Variants in TDRKH observed in about 807,000 individuals in gnomAD.
TDRKH encodes tudor and KH domain-containing protein.
A neutral mutation model predicts 61.3 loss-of-function variants in TDRKH; 28 were observed. The ratio of observed to expected loss-of-function variants is 0.46; its 90% CI spans 0.34 to 0.63. TDRKH has a LOEUF of 0.63. Ranked by LOEUF, TDRKH falls within the 20% of genes least tolerant of loss-of-function variation. TDRKH has a pLI of 0.01. For missense variants in TDRKH, 540 were observed against 683.4 expected, an observed-to-expected ratio of 0.79 and a Z score of 2.34; for synonymous variants, 219 against 244.4, an observed-to-expected ratio of 0.90 and a Z score of 0.97.
chr1:151,767,099 GGTACTGT>G, downstream of TDRKH: 1 of 1,588,852 alleles, frequency 6.3e-7, no homozygotes, highest in African/African-American at 1.3e-5. Context: ...GCCAGAGCCT[GGTACTGT>G]GTATCTTCCC....
chr1:151,776,565 C>T lies in TDRKH; in HGVS notation c.918G>A (p.Glu306=). 1.9e-6 allele frequency: 3 copies of T among 1,614,094 alleles called. No individual in the cohort carries two copies. Among genetic ancestry groups the T allele is most frequent in the Non-Finnish European group, 2.5e-6 (3 of 1,180,016 alleles). ...PSPDFSFHAD[E]YLEVYVSASE... is the part of the protein sequence containing the mutation. ...AAGCAGAAACGTAGACTTCTAGGTA[C>T]TCATCAGCATGAAAACTGAAGTCAG... Residue 306 remains glutamate, a synonymous_variant, in exon 7 of 13, where the codon GAG becomes GAA. Transcript: ENST00000368824.
Position 151,775,631 on chromosome 1 carries a change from G to A in TDRKH, c.1283-88C>T, listed in dbSNP as rs1323458908. 21 of 1,532,854 alleles carry A rather than the reference G, an allele frequency of 1.4e-5. No homozygotes were observed. In the East Asian group the frequency reaches 4.7e-4, roughly 35 times the overall value. 95.0% of individuals were successfully genotyped at this position (1,532,854 alleles called of 1,614,324 possible). A position where few individuals can be genotyped will look rare whatever the true frequency, so the allele number is the denominator to read the frequency against. On this transcript the variant is annotated intron_variant, in intron 9 of 12. Transcript: ENST00000368824. The stretch of plus-strand genomic sequence containing the variant: ...GGAACTACCCTTTTCTACTCAGGAA[G>A]GCACCTGTGTCTTCTCTGGTTGGGT...
At chr1:151,769,972 T>G (rs1318328717), downstream of TDRKH, 1 of 767,516 alleles carries the variant, frequency 1.3e-6, no homozygotes, top group African/African-American at 1.8e-5. Context: ...CTCAGCAGGC[T>G]GAGGCAGGAG....
downstream of TDRKH, chr1:151,767,543 C>A: frequency 1.5e-6 from 1 of 680,054 alleles, no homozygotes; most frequent in Non-Finnish European, 2.2e-6. Context: ...GTAAAACAAA[C>A]TCTGTAGGAC....
downstream of TDRKH, chr1:151,768,318 C>T (rs759658192): frequency 2.6e-6 from 4 of 1,518,208 alleles, no homozygotes; most frequent in Non-Finnish European, 3.5e-6. Context: ...AAGGCTAATT[C>T]TGGAGCTAGA....
downstream of TDRKH, chr1:151,770,930 C>T: frequency 8.8e-7 from 1 of 1,137,310 alleles, no homozygotes; most frequent in Non-Finnish European, 1.2e-6. Context: ...AGAGTTAGAG[C>T]CTAGGTCTGT....
chr1:151,766,730 T>G, downstream of TDRKH: 1 of 1,552,404 alleles, frequency 6.4e-7, no homozygotes, highest in Non-Finnish European at 8.7e-7. Context: ...AACTGCCTTG[T>G]AAGAGGTGTC....
At chr1:151,769,823 G>T (rs540235230), downstream of TDRKH, among the ~76,000 whole-genome samples, 5 of 152,244 alleles carry the variant, frequency 3.3e-5, no homozygotes, top group African/African-American at 7.2e-5. Context: ...CTGCAATCCC[G>T]GCACCTCAGG....
At chr1:151,786,847 C>A (rs758015660) in intron 1 of TDRKH, among the ~76,000 whole-genome samples, 2 of 152,158 alleles carry the variant, frequency 1.3e-5, no homozygotes, top group Admixed American at 6.5e-5. Context: ...TTCAGTATAT[C>A]ATTTTTAGAG....
Position 151,776,431 on chromosome 1 carries a change from C to A in TDRKH, c.1044+8G>T. ...TTAAACCCCAGCCCTGTCCCTATGG[C>A]AACTCACCACACTATTCTCATAGTG... is the stretch of plus-strand genomic sequence containing the variant. On this transcript the variant is annotated splice_region_variant and intron_variant, in intron 7 of 12. Coordinates refer to ENST00000368824, the MANE Select transcript of TDRKH (RefSeq NM_001083965.2). 6.2e-7 allele frequency: 1 copy of A among 1,614,000 alleles called. No homozygotes were observed. The highest frequency in any genetic ancestry group is 1.1e-5 in the South Asian group (1 of 91,076).
intron 8 of TDRKH, 106 bp from the exon 9 acceptor site, chr1:151,775,990 C>A: frequency 6.4e-7 from 1 of 1,568,634 alleles, no homozygotes; most frequent in East Asian, 2.3e-5. Context: ...CATCTGCTCT[C>A]TGTAAACAGG....
At position 151,776,369 on chromosome 1, in the gene TDRKH, A is replaced by T. The variant is rs887943209; in HGVS notation, c.1044+70T>A. 5 of 1,600,088 alleles carry T rather than the reference A, an allele frequency of 3.1e-6. No homozygotes were observed. In the African/African-American group the frequency reaches 6.7e-5, roughly 21 times the overall value. On this transcript the variant is annotated intron_variant, in intron 7 of 12. Coordinates refer to ENST00000368824, the MANE Select transcript of TDRKH (RefSeq NM_001083965.2). ...AGAAAAGTAGTTGCTCCACAGGGAA[A>T]GGAAGAGTACAATGAAAAAGATATG...
downstream of TDRKH, chr1:151,768,154 C>G: frequency 6.2e-7 from 1 of 1,614,024 alleles, no homozygotes; most frequent in Non-Finnish European, 8.5e-7. Flanking sequence ...GACCTCTGCC[C>G]ATTGGCACGG....
In TDRKH at chr1:151,778,709, T is replaced by C. The variant is rs1558142683; in HGVS notation, c.859A>G (p.Ile287Val). The C allele has an allele frequency of 3.1e-6, 5 of 1,613,584 alleles. No individual in the cohort carries two copies. The highest frequency in any genetic ancestry group is 4.2e-6 in the Non-Finnish European group (5 of 1,179,824). Residue 287 changes from isoleucine to valine, a missense_variant, in exon 6 of 13, where the codon ATC becomes GTC. By Grantham distance (29) the Ile-to-Val change is conservative. This residue lies in a region of TDRKH where 379 missense variants were observed against 443.8 expected (regional missense o/e 0.85). Transcript: ENST00000368824. Reference protein sequence around the residue: ...DSFQKSEAQAIPEMPMFEIPS... With the variant: ...DSFQKSEAQAVPEMPMFEIPS... ...CTTTCAAACATGGGCATCTCTGGGA[T>C]GGCCTGGGCTTCAGACTTCTGAAAG... is the stretch of plus-strand genomic sequence containing the variant.
intron 2 of TDRKH, 31 bp downstream of exon 2, chr1:151,782,868 T>C (rs1297508692): frequency 1.3e-6 from 2 of 1,527,506 alleles, no homozygotes; most frequent in Non-Finnish European, 1.8e-6. Flanking sequence ...GTCTGAACAT[T>C]TTCACACACA....
intron 6 of TDRKH, among the ~76,000 whole-genome samples, chr1:151,777,758 C>A (rs1390827793): frequency 7.3e-5 from 10 of 137,356 alleles, no homozygotes; most frequent in African/African-American, 2.4e-4. Flanking sequence ...CTCACTGTCA[C>A]CCAGGCTGGA....
downstream of TDRKH, chr1:151,767,853 C>A: frequency 1.6e-6 from 1 of 643,282 alleles, no homozygotes; most frequent in Non-Finnish European, 2.6e-6. Flanking sequence ...ACTGCCTCAG[C>A]TGGATTGTTT....
downstream of TDRKH, chr1:151,767,838 G>C: frequency 1.7e-6 from 1 of 597,362 alleles, no homozygotes. Context: ...TCAACAGGCA[G>C]TAATACTGCC....
chr1:151,786,040 C>T (rs982984865), intron 1 of TDRKH, among the ~76,000 whole-genome samples: 12 of 152,178 alleles, frequency 7.9e-5, no homozygotes, highest in African/African-American at 2.9e-4. Context: ...AAATGTATTT[C>T]ACCCTGGGGG....
Sources: gnomAD v4.1 joint callset for allele counts (sites outside exome capture counted in the v4.1 genomes callset) on GRCh38, gnomAD v4.1.1 for gene constraint, gnomAD v4.1.1 regional missense constraint, MANE v1.5 for transcripts, NCBI Gene and HGNC (gene_info 2026-07-23, HGNC 2026-07-21) for gene names.